Variants in ANKDD1B observed in about 807,000 individuals in gnomAD.
The protein encoded by ANKDD1B is ankyrin repeat and death domain containing 1B, also known as ankyrin repeat and death domain-containing protein 1B.
In ANKDD1B, 57 loss-of-function variants were observed where a neutral mutation model predicts 59.7. That is an observed-to-expected ratio of 0.95 (90% CI 0.77 to 1.19). The LOEUF is 1.19. ANKDD1B is among the 50% of genes most tolerant of loss of function. ANKDD1B has a pLI of 0.00. For synonymous variants in ANKDD1B, 216 were observed against 239.5 expected, an observed-to-expected ratio of 0.90 and a Z score of 0.91; for missense variants, 602 against 641.9, an observed-to-expected ratio of 0.94 and a Z score of 0.67.
chr5:75,611,779 CGGGA>C lies in ANKDD1B; in HGVS notation c.149_152del (p.Glu50ValfsTer47). ...GAGGAGCCTGTCCCGGATCCCGAAG[CGGGA>C]GGGTCTTGGAGAGGAGGACACAGCA... On this transcript the variant is annotated frameshift_variant, in exon 1 of 14. Transcript: ENST00000601380. LOFTEE classifies it high-confidence loss of function. 1 of 1,231,982 alleles carries C rather than the reference CGGGA, an allele frequency of 8.1e-7. No homozygotes were observed. The highest frequency in any genetic ancestry group is 1.0e-6 in the Non-Finnish European group (1 of 988,090). The allele number at this position is 1,231,982 out of a possible 1,614,324, so 76.3% of individuals were successfully genotyped here.
chr5:75,644,059 T>G (rs1276276559), intron 7 of ANKDD1B, among the ~76,000 whole-genome samples: 1 of 105,066 alleles, frequency 9.5e-6, no homozygotes, highest in African/African-American at 7.1e-5. Context: ...AGAGATTTTG[T>G]CACCACCAGG....
chr5:75,668,900 A>C (rs1483141180), intron 12 of ANKDD1B, among the ~76,000 whole-genome samples: 1 of 152,212 alleles, frequency 6.6e-6, no homozygotes, highest in Non-Finnish European at 1.5e-5. Context: ...CCAAACTTGC[A>C]TTTTAGTAAG....
At chr5:75,648,274 A>AAAAAAATT (rs1554068910) in intron 7 of ANKDD1B, among the ~76,000 whole-genome samples, 3,914 of 147,964 alleles carry the variant, frequency 0.026, 164 homozygotes, top group African/African-American at 0.074. Flanking sequence ...AATTAAAAAA[A>AAAAAAATT]AAAAAAAAAG....
chr5:75,665,506 C>T (rs534984349), intron 11 of ANKDD1B, among the ~76,000 whole-genome samples: 1 of 150,872 alleles, frequency 6.6e-6, no homozygotes, highest in East Asian at 2.1e-4. Flanking sequence ...AGCTCCCCAT[C>T]CTCAATCTTA....
chr5:75,649,816 C>A (rs6870090), intron 7 of ANKDD1B, among the ~76,000 whole-genome samples: 1 of 152,070 alleles, frequency 6.6e-6, no homozygotes, highest in Non-Finnish European at 1.5e-5. Context: ...ATCTAAAAAG[C>A]AGATTTAATT....
intron 5 of ANKDD1B, among the ~76,000 whole-genome samples, chr5:75,627,005 A>G (rs941372461): frequency 6.6e-6 from 1 of 152,168 alleles, no homozygotes; most frequent in African/African-American, 2.4e-5. Context: ...TCTGACCTTA[A>G]TCTTAAAAAC....
chr5:75,639,296 A>C (rs189765658), intron 7 of ANKDD1B, among the ~76,000 whole-genome samples: 1 of 152,278 alleles, frequency 6.6e-6, no homozygotes, highest in East Asian at 1.9e-4. Context: ...TCCCAGGTTC[A>C]AGTGACTTTC....
intron 2 of ANKDD1B, among the ~76,000 whole-genome samples, chr5:75,617,430 A>T (rs1471717222): frequency 6.6e-6 from 1 of 152,058 alleles, no homozygotes; most frequent in South Asian, 2.1e-4. Flanking sequence ...CCTGGCTCTT[A>T]CTTGTTCTTT....
Position 75,625,892 on chromosome 5 carries a change from T to C in ANKDD1B, c.537T>C (p.His179=), listed in dbSNP as rs913380720. Residue 179 remains histidine (H), a synonymous_variant, in exon 5 of 14, where the codon CAT becomes CAC. Transcript: ENST00000601380. The part of the protein sequence containing the change: ...SALHFATQSN[H]VRIVEYLIQD... ...TCCACTTTGCCACTCAGAGCAATCA[T>C]GTGCGCATCGTGGAGTATCTTATTC... is the stretch of plus-strand genomic sequence containing the variant. 6.5e-7 allele frequency: 1 copy of C among 1,536,300 alleles called. No homozygotes were observed. Among genetic ancestry groups the C allele is most frequent in the Non-Finnish European group, 8.7e-7 (1 of 1,146,918 alleles).
chr5:75,660,577 A>G (rs1048386897), intron 10 of ANKDD1B, among the ~76,000 whole-genome samples: 2 of 152,186 alleles, frequency 1.3e-5, no homozygotes, highest in African/African-American at 4.8e-5. Flanking sequence ...GTTTCTTTCA[A>G]GTGGTGCAGT....
intron 7 of ANKDD1B, among the ~76,000 whole-genome samples, chr5:75,639,254 T>C (rs1774398323): frequency 6.6e-6 from 1 of 152,136 alleles, no homozygotes; most frequent in South Asian, 2.1e-4. Context: ...GGGAGTACAA[T>C]GGTGTGATCT....
chr5:75,631,064 G>T (rs1774142202), intron 5 of ANKDD1B, among the ~76,000 whole-genome samples: 1 of 152,196 alleles, frequency 6.6e-6, no homozygotes, highest in Admixed American at 6.5e-5. Context: ...AGGCAGGCAG[G>T]TAAGGCCTGG....
chr5:75,633,158 G>A (rs1186040849), intron 5 of ANKDD1B, among the ~76,000 whole-genome samples: 2 of 152,168 alleles, frequency 1.3e-5, no homozygotes, highest in African/African-American at 4.8e-5. Context: ...CTTGAAAGCA[G>A]AAAACTGTGG....
intron 7 of ANKDD1B, among the ~76,000 whole-genome samples, chr5:75,642,032 AT>A (rs1417865147): frequency 6.6e-6 from 1 of 152,192 alleles, no homozygotes; most frequent in Non-Finnish European, 1.5e-5. Flanking sequence ...AATACTAAAA[AT>A]ATGTTGCAAT....
At chr5:75,637,659 T>C (rs1403256686) in intron 7 of ANKDD1B, among the ~76,000 whole-genome samples, 1 of 152,238 alleles carries the variant, frequency 6.6e-6, no homozygotes, top group Non-Finnish European at 1.5e-5. Flanking sequence ...AAGATGTGTT[T>C]AGACTTTTAG....
chr5:75,626,648 G>T (rs1774002905), intron 5 of ANKDD1B, among the ~76,000 whole-genome samples: 1 of 152,198 alleles, frequency 6.6e-6, no homozygotes, highest in African/African-American at 2.4e-5. Context: ...CAACTAAAAA[G>T]TGAGAGCCAG....
chr5:75,614,950 A>T (rs1773674978), intron 1 of ANKDD1B, among the ~76,000 whole-genome samples: 1 of 152,210 alleles, frequency 6.6e-6, no homozygotes, highest in Non-Finnish European at 1.5e-5. Context: ...CATAGAAGTG[A>T]TTTCATAGGT....
At chr5:75,651,030 C>T (rs1160390836) in intron 7 of ANKDD1B, among the ~76,000 whole-genome samples, 3 of 152,150 alleles carry the variant, frequency 2.0e-5, no homozygotes, top group South Asian at 2.1e-4. Flanking sequence ...CTAAGAGGAA[C>T]GATTACAAGA....
At chr5:75,635,293 G>A (rs1234475204) in intron 6 of ANKDD1B, 2 of 264,676 alleles carry the variant, frequency 7.6e-6, no homozygotes, top group African/African-American at 4.3e-5. Flanking sequence ...GTCTCCTGGA[G>A]GCTCAGCCTT....
Sources: allele counts gnomAD v4.1 joint callset (sites outside exome capture counted in the v4.1 genomes callset), GRCh38; gene constraint gnomAD v4.1.1; transcripts MANE v1.5; gene names NCBI Gene and HGNC (gene_info 2026-07-23, HGNC 2026-07-21).